Variants in KHDRBS2 observed in about 807,000 individuals in gnomAD.
KHDRBS2 encodes the protein KH domain-containing, RNA-binding, signal transduction-associated protein 2.
A neutral mutation model predicts 44.3 loss-of-function variants in KHDRBS2; 26 were observed. The ratio of observed to expected loss-of-function variants is 0.59; its 90% CI spans 0.43 to 0.81. The LOEUF (loss-of-function observed/expected upper bound fraction) is 0.81. KHDRBS2 is among the 40% of genes least tolerant of loss of function. The pLI is 0.00. For synonymous variants in KHDRBS2, 194 were observed against 151.1 expected, an observed-to-expected ratio of 1.28 and a Z score of -2.08; for missense variants, 476 against 433.1, an observed-to-expected ratio of 1.10 and a Z score of -0.88.
At chr6:62,077,053 A>G (rs1369511066) in intron 2 of KHDRBS2, among the ~76,000 whole-genome samples, 1 of 152,018 alleles carries the variant, frequency 6.6e-6, no homozygotes, top group Non-Finnish European at 1.5e-5. Flanking sequence ...ATCTAAAAAA[A>G]TATAAAAAAA....
At chr6:62,193,676 T>C (rs2150132991) in intron 1 of KHDRBS2, among the ~76,000 whole-genome samples, 1 of 152,266 alleles carries the variant, frequency 6.6e-6, no homozygotes, top group Non-Finnish European at 1.5e-5. Flanking sequence ...AAAGTTACTG[T>C]ACCATTTTAC....
At chr6:61,949,542 AT>A (rs542645199) in intron 4 of KHDRBS2, among the ~76,000 whole-genome samples, 126 of 152,048 alleles carry the variant, frequency 8.3e-4, no homozygotes, top group African/African-American at 3.0e-3. Flanking sequence ...ACAATATACT[AT>A]TTTTTTCAAA....
the KHDRBS2 span, among the ~76,000 whole-genome samples, chr6:61,549,910 T>C: frequency 1.3e-5 from 2 of 152,172 alleles, no homozygotes; most frequent in African/African-American, 4.8e-5. Context: ...TTGGAAAAAT[T>C]GTTTCACTGA....
intron 4 of KHDRBS2, among the ~76,000 whole-genome samples, chr6:61,961,693 A>C (rs543465098): frequency 6.6e-6 from 1 of 152,238 alleles, no homozygotes; most frequent in East Asian, 1.9e-4. Flanking sequence ...TGACTTGCGC[A>C]TGGGTACAGT....
At chr6:61,605,089 A>G in the KHDRBS2 span, among the ~76,000 whole-genome samples, 1 of 152,160 alleles carries the variant, frequency 6.6e-6, no homozygotes, top group African/African-American at 2.4e-5. Flanking sequence ...GGACTGGACA[A>G]TACTTTTACC....
chr6:61,750,264 A>C (rs965494043), intron 6 of KHDRBS2, among the ~76,000 whole-genome samples: 23 of 152,234 alleles, frequency 1.5e-4, no homozygotes, highest in Non-Finnish European at 2.9e-5. Context: ...AGGCTCATGA[A>C]TACAAGCTTC....
intron 3 of KHDRBS2, among the ~76,000 whole-genome samples, chr6:62,021,745 G>T (rs1035178202): frequency 6.6e-6 from 1 of 151,514 alleles, no homozygotes; most frequent in Non-Finnish European, 1.5e-5. Flanking sequence ...TGAATAACAT[G>T]ATATAAATAT....
At chr6:62,171,540 A>G in intron 2 of KHDRBS2, among the ~76,000 whole-genome samples, 1 of 152,168 alleles carries the variant, frequency 6.6e-6, no homozygotes, top group East Asian at 1.9e-4. Context: ...AATGTCCCCA[A>G]CCTTGCGAGA....
the KHDRBS2 span, among the ~76,000 whole-genome samples, chr6:61,608,199 T>C: frequency 6.6e-6 from 1 of 152,096 alleles, no homozygotes; most frequent in African/African-American, 2.4e-5. Context: ...CAAAGCATAT[T>C]ATAGCTATAT....
intron 4 of KHDRBS2, among the ~76,000 whole-genome samples, chr6:61,954,695 T>A (rs1347193942): frequency 8.2e-6 from 1 of 121,608 alleles, no homozygotes; most frequent in Non-Finnish European, 1.8e-5. Context: ...TATGTATACA[T>A]ACATATGTGT....
the KHDRBS2 span, among the ~76,000 whole-genome samples, chr6:61,547,438 T>G: frequency 1.1e-4 from 16 of 152,262 alleles, no homozygotes; most frequent in African/African-American, 3.6e-4. Flanking sequence ...AACAAACATT[T>G]CCATACTTCT....
chr6:61,992,898 A>G (rs1776400748), intron 3 of KHDRBS2, among the ~76,000 whole-genome samples: 1 of 152,096 alleles, frequency 6.6e-6, no homozygotes. Context: ...TGCTCTACCA[A>G]TACTGGAAAG....
At chr6:61,674,334 CCT>C in the KHDRBS2 span, among the ~76,000 whole-genome samples, 1 of 151,726 alleles carries the variant, frequency 6.6e-6, no homozygotes, top group Non-Finnish European at 1.5e-5. Context: ...AATTCTGTCT[CCT>C]CTTTTTGATC....
At chr6:61,807,736 G>A (rs1227480909) in intron 6 of KHDRBS2, among the ~76,000 whole-genome samples, 2 of 152,016 alleles carry the variant, frequency 1.3e-5, no homozygotes, top group Non-Finnish European at 2.9e-5. Flanking sequence ...CTTATTAACT[G>A]GGTGACTAAA....
chr6:61,583,259 T>A, the KHDRBS2 span, among the ~76,000 whole-genome samples: 2 of 151,960 alleles, frequency 1.3e-5, no homozygotes, highest in South Asian at 4.1e-4. Flanking sequence ...TCTAGCTTAT[T>A]TCATTCAGCA....
At chr6:61,912,947 G>T (rs1333543909) in intron 4 of KHDRBS2, among the ~76,000 whole-genome samples, 1 of 152,056 alleles carries the variant, frequency 6.6e-6, no homozygotes, top group Non-Finnish European at 1.5e-5. Flanking sequence ...TGCTCTCTTG[G>T]AATCACTCTC....
At chr6:61,889,494 T>G (rs1358134746) in intron 6 of KHDRBS2, among the ~76,000 whole-genome samples, 1 of 151,810 alleles carries the variant, frequency 6.6e-6, no homozygotes, top group Admixed American at 6.6e-5. Flanking sequence ...TACTCCTCTC[T>G]CTTTCACACA....
intron 3 of KHDRBS2, among the ~76,000 whole-genome samples, chr6:62,043,901 T>C (rs1212158272): frequency 2.0e-5 from 3 of 152,094 alleles, no homozygotes; most frequent in African/African-American, 4.8e-5. Flanking sequence ...TGTCATTCTA[T>C]CTACCTACTA....
intron 4 of KHDRBS2, among the ~76,000 whole-genome samples, chr6:61,955,620 A>G (rs1405286154): frequency 1.6e-5 from 1 of 61,026 alleles, no homozygotes; most frequent in Admixed American, 1.7e-4. Flanking sequence ...GTATGTATGT[A>G]TGCATACATG....
Sources: allele counts gnomAD v4.1 joint callset (sites outside exome capture counted in the v4.1 genomes callset), GRCh38; gene constraint gnomAD v4.1.1; transcripts MANE v1.5; gene names NCBI Gene and HGNC (gene_info 2026-07-23, HGNC 2026-07-21).